The following CCDC150 variants were observed in gnomAD, a reference collection of about 807,000 sequenced individuals.
The protein encoded by CCDC150 is coiled-coil domain containing 150, also known as coiled-coil domain-containing protein 150.
CCDC150 carries 151 observed loss-of-function variants against 156.5 expected under a neutral mutation model. That is an observed-to-expected ratio of 0.97 (90% CI 0.85 to 1.10). The LOEUF is 1.10. Among genes scored for constraint, CCDC150 ranks in the 50% least tolerant of loss-of-function variants. The pLI is 0.00. For synonymous variants in CCDC150, 452 were observed against 429.4 expected (o/e 1.05, Z -0.65); for missense variants, 1,312 against 1,268.1 (o/e 1.03, Z -0.53).
At chr2:196,643,710 A>G (rs138645631) in intron 1 of CCDC150, among the ~76,000 whole-genome samples, 3 of 152,322 alleles carry the variant, frequency 2.0e-5, no homozygotes, top group Admixed American at 6.5e-5. Flanking sequence ...ATGAACATAG[A>G]CAAGACTCTA....
At chr2:196,658,751 C>T in intron 4 of CCDC150, 41 bp from the exon 5 acceptor site, 1 of 1,452,962 alleles carries the variant, frequency 6.9e-7, no homozygotes, top group East Asian at 2.4e-5. Context: ...TTCTTCCTGT[C>T]ATTTCAGATT....
chr2:196,667,193 G>A (rs943207660), intron 7 of CCDC150: 38 of 313,452 alleles, frequency 1.2e-4, no homozygotes, highest in African/African-American at 7.7e-4. Context: ...TAGTAAGGTA[G>A]TAAGGCCATG....
intron 15 of CCDC150, among the ~76,000 whole-genome samples, chr2:196,702,667 A>AAAGCT (rs1290647740): frequency 6.6e-6 from 1 of 151,754 alleles, no homozygotes; most frequent in Non-Finnish European, 1.5e-5. Context: ...AGTACTTTTT[A>AAAGCT]AAGCTACTCA....
At chr2:196,650,618 T>C (rs1575752044) in intron 2 of CCDC150, among the ~76,000 whole-genome samples, 1 of 152,304 alleles carries the variant, frequency 6.6e-6, no homozygotes, top group South Asian at 2.1e-4. Context: ...GATCTCAAAC[T>C]CCTGACCTCG....
intron 14 of CCDC150, among the ~76,000 whole-genome samples, chr2:196,696,700 G>T (rs1471572079): frequency 6.6e-6 from 1 of 152,204 alleles, no homozygotes; most frequent in African/African-American, 2.4e-5. Flanking sequence ...GGCTATATGA[G>T]TTTGAGGAAT....
intron 21 of CCDC150, among the ~76,000 whole-genome samples, chr2:196,722,337 G>T (rs1697970722): frequency 1.3e-5 from 2 of 152,154 alleles, no homozygotes; most frequent in South Asian, 4.1e-4. Context: ...GTTCAGTGGT[G>T]TGATCATGGC....
chr2:196,718,655 C>T (rs6751627), intron 18 of CCDC150, 24 bp downstream of exon 18: 107,404 of 1,607,106 alleles, frequency 0.067, 4,672 homozygotes, highest in African/African-American at 0.17. Context: ...CCCTTCTGAC[C>T]GTCTGTCACT....
intron 5 of CCDC150, among the ~76,000 whole-genome samples, chr2:196,663,724 T>G (rs1175596555): frequency 1.3e-5 from 2 of 152,128 alleles, no homozygotes; most frequent in Admixed American, 1.3e-4. Context: ...TCCCAACACA[T>G]TTTTTACCTC....
At chr2:196,671,139 A>C (rs1407822359) in intron 8 of CCDC150, among the ~76,000 whole-genome samples, 1 of 152,198 alleles carries the variant, frequency 6.6e-6, no homozygotes, top group Non-Finnish European at 1.5e-5. Flanking sequence ...GTATAATGAC[A>C]TATATCTACC....
chr2:196,702,626 C>G (rs1427795403), intron 15 of CCDC150, among the ~76,000 whole-genome samples: 1 of 151,792 alleles, frequency 6.6e-6, no homozygotes, highest in Non-Finnish European at 1.5e-5. Flanking sequence ...CTGCCTTGGC[C>G]ACCCAAAGTG....
intron 21 of CCDC150, 75 bp downstream of exon 21, chr2:196,721,766 A>T (rs943229178): frequency 1.1e-5 from 13 of 1,195,118 alleles, no homozygotes; most frequent in Non-Finnish European, 1.4e-5. Flanking sequence ...TAAATGGCTC[A>T]TTCGCATAAA....
intron 1 of CCDC150, 144 bp from the exon 2 acceptor site, chr2:196,646,197 C>A: frequency 1.5e-6 from 1 of 647,790 alleles, no homozygotes; most frequent in African/African-American, 1.8e-5. Flanking sequence ...TAACTTCCAC[C>A]TACATTTAAT....
In CCDC150 at chr2:196,674,594, T is replaced by G. The variant is rs139839749; in HGVS notation, c.1137+246T>G. ...AAAAATAATTATTTGTCCCATTGTT[T>G]ATAGAATCATGGAGAACACGTATGA... On this transcript the variant is annotated intron_variant, in intron 10 of 27. Transcript: ENST00000389175. Among the ~76,000 whole-genome samples, 98 of 152,306 alleles carry G rather than the reference T, an allele frequency of 6.4e-4. No individual in the cohort carries two copies. The South Asian group carries it at 7.5e-3, about 12-fold the overall frequency.
At chr2:196,702,355 G>GTGTA (rs971796900) in intron 15 of CCDC150, among the ~76,000 whole-genome samples, 6 of 151,374 alleles carry the variant, frequency 4.0e-5, no homozygotes, top group African/African-American at 1.5e-4. Flanking sequence ...GTGTGTGTGT[G>GTGTA]TGTGTGTGTG....
At chr2:196,655,814 C>G (rs1333742160) in intron 2 of CCDC150, among the ~76,000 whole-genome samples, 2 of 151,896 alleles carry the variant, frequency 1.3e-5, no homozygotes, top group Non-Finnish European at 2.9e-5. Context: ...AGTTGGGGTG[C>G]TTGATGCATG....
At chr2:196,647,910 A>T (rs1399067052) in intron 2 of CCDC150, among the ~76,000 whole-genome samples, 1 of 151,828 alleles carries the variant, frequency 6.6e-6, no homozygotes, top group East Asian at 1.9e-4. Context: ...TTCCCTGTCC[A>T]CCTCCTCACC....
chr2:196,672,325 A>C lies in CCDC150; in HGVS notation c.937-20A>C. 5 of 1,339,132 alleles carry C rather than the reference A, an allele frequency of 3.7e-6. No individual in the cohort carries two copies. The highest frequency in any genetic ancestry group is 5.0e-6 in the Non-Finnish European group (5 of 990,944). 83.0% of individuals were successfully genotyped at this position (1,339,132 alleles called of 1,614,324 possible). ...AGTATCTCTTATATGTGAAAAAGAG[A>C]GTAATTTTTTTTCTTATAGAACCTG... On this transcript the variant is annotated intron_variant, in intron 8 of 27. Transcript: ENST00000389175.
intron 22 of CCDC150, chr2:196,726,346 G>C (rs1335358178): frequency 8.8e-6 from 3 of 342,020 alleles, no homozygotes; most frequent in African/African-American, 6.2e-5. Context: ...AAGAGGGATA[G>C]AGGAATAAGG....
At position 196,679,355 on chromosome 2, in the gene CCDC150, C is replaced by A. The variant is rs985388404; in HGVS notation, c.1509+1994C>A. ...CCTCCTTCCCCTGGCAACCACAGAT[C>A]TGTGTTTTTGTCCCTGTAGTTATAA... On this transcript the variant is annotated intron_variant, in intron 13 of 27. Coordinates refer to ENST00000389175, the MANE Select transcript of CCDC150 (RefSeq NM_001080539.2). 4.6e-5 allele frequency among the ~76,000 whole-genome samples: 7 copies of A among 152,092 alleles called. No individual in the cohort carries two copies. The South Asian group carries it at 8.3e-4, about 18-fold the overall frequency.
Sources: gnomAD v4.1 joint callset for allele counts (sites outside exome capture counted in the v4.1 genomes callset) on GRCh38, gnomAD v4.1.1 for gene constraint, MANE v1.5 for transcripts, NCBI Gene and HGNC (gene_info 2026-07-23, HGNC 2026-07-21) for gene names.